Variants in CNGA1 observed in about 807,000 individuals in gnomAD.
CNGA1 encodes the protein cyclic nucleotide-gated channel alpha-1.
In CNGA1, 53 loss-of-function variants were observed where a neutral mutation model predicts 69.7. The ratio of observed to expected loss-of-function variants is 0.76; its 90% confidence interval spans 0.61 to 0.96. The LOEUF (loss-of-function observed/expected upper bound fraction) is 0.96. Ranked by LOEUF, CNGA1 falls within the 40% of genes least tolerant of loss-of-function variation. The probability of loss-of-function intolerance (pLI) is 0.00; values close to 1 mark genes in which losing one functional copy is unlikely to be tolerated. For synonymous variants in CNGA1, 249 were observed against 283.5 expected (o/e 0.88, Z 1.22); for missense variants, 739 against 811.2 (o/e 0.91, Z 1.08).
chr4:47,992,393 G>T (rs1742306417), intron 2 of CNGA1, among the ~76,000 whole-genome samples: 4 of 151,878 alleles, frequency 2.6e-5, no homozygotes, highest in South Asian at 4.2e-4. Context: ...CTTTGGTTAG[G>T]TATATTCCTA....
intron 3 of CNGA1, among the ~76,000 whole-genome samples, chr4:47,973,128 C>T (rs1741134387): frequency 7.2e-6 from 1 of 139,232 alleles, no homozygotes; most frequent in Admixed American, 8.1e-5. Flanking sequence ...AGTGCAGTAG[C>T]ACTATCTCAG....
chr4:47,953,665 A>T (rs979130870), intron 3 of CNGA1, among the ~76,000 whole-genome samples: 2 of 152,216 alleles, frequency 1.3e-5, no homozygotes, highest in Non-Finnish European at 2.9e-5. Context: ...TTCACTTTCC[A>T]GCTGCTCCCA....
intron 3 of CNGA1, among the ~76,000 whole-genome samples, chr4:47,980,619 C>T (rs1467336322): frequency 6.6e-6 from 1 of 151,644 alleles, no homozygotes; most frequent in Non-Finnish European, 1.5e-5. Flanking sequence ...GGACTACAAA[C>T]ACATGCCACC....
chr4:47,974,360 TA>T (rs1741233381), intron 3 of CNGA1, among the ~76,000 whole-genome samples: 1 of 147,888 alleles, frequency 6.8e-6, no homozygotes, highest in African/African-American at 2.5e-5. Flanking sequence ...AAAAAAGTCA[TA>T]TTTTTAAAAC....
intron 2 of CNGA1, among the ~76,000 whole-genome samples, chr4:47,990,092 T>C (rs1356046477): frequency 4.6e-5 from 7 of 152,106 alleles, no homozygotes; most frequent in East Asian, 1.9e-4. Context: ...TTGAACAATA[T>C]GAAACTGATT....
intron 1 of CNGA1, among the ~76,000 whole-genome samples, 178 bp downstream of exon 1, chr4:48,016,305 C>T (rs1715374091): frequency 6.6e-6 from 1 of 152,276 alleles, no homozygotes; most frequent in Admixed American, 6.5e-5. Flanking sequence ...CCAAAATAAA[C>T]TTGAGCCTGG....
chr4:47,982,945 C>T (rs929120817), intron 2 of CNGA1, among the ~76,000 whole-genome samples: 1 of 152,062 alleles, frequency 6.6e-6, no homozygotes, highest in African/African-American at 2.4e-5. Context: ...GCTGGGATTA[C>T]AGATGTGTGC....
chr4:47,964,892 C>T (rs1003083481), intron 3 of CNGA1, among the ~76,000 whole-genome samples: 4 of 152,050 alleles, frequency 2.6e-5, no homozygotes, highest in Admixed American at 2.6e-4. Flanking sequence ...TATATTAACT[C>T]TTTACTTTTG....
rs568654478 is a variant in CNGA1 at position 47,975,390 on chromosome 4, T to G, written c.-15+6003A>C. Among the ~76,000 whole-genome samples, 12 of 152,308 alleles carry G rather than the reference T, an allele frequency of 7.9e-5. No homozygotes were observed. The East Asian group carries it at 1.7e-3, about 22-fold the overall frequency. Reference sequence around the variant, plus strand: ...GAAACAATTTTACCAAAGAGATCATTGTTATCATAATCATTATCATCATCT... The same window carrying G: ...GAAACAATTTTACCAAAGAGATCATGGTTATCATAATCATTATCATCATCT... On this transcript the variant is annotated intron_variant, in intron 3 of 10. Coordinates refer to ENST00000514170, the MANE Select transcript of CNGA1 (RefSeq NM_001379270.1).
At chr4:47,937,965 T>C in intron 10 of CNGA1, 136 bp from the exon 11 acceptor site, 1 of 675,600 alleles carries the variant, frequency 1.5e-6, no homozygotes, top group Non-Finnish European at 2.6e-6. Flanking sequence ...AACAATGTAA[T>C]AAAATACAAA....
rs188861364 is a variant in CNGA1 at position 47,948,523 on chromosome 4, C to G, written c.287+1310G>C. Among the ~76,000 whole-genome samples, 6 of 152,180 alleles carry G rather than the reference C, an allele frequency of 3.9e-5. No individual in the cohort carries two copies. The East Asian group carries it at 9.6e-4, about 24-fold the overall frequency. On this transcript the variant is annotated intron_variant, in intron 6 of 10. Transcript: ENST00000514170. ...TCTATGGATCTAGAGGTCCTGGCTT[C>G]CAGAGGGGTGATGCATCTGCCAGGG...
chr4:47,983,320 G>A (rs1162365957), intron 2 of CNGA1, among the ~76,000 whole-genome samples: 1 of 152,038 alleles, frequency 6.6e-6, no homozygotes, highest in African/African-American at 2.4e-5. Flanking sequence ...GCGGGGCGTC[G>A]TGGCTCACGC....
At chr4:47,941,799 TAA>T (rs769159703) in intron 9 of CNGA1, among the ~76,000 whole-genome samples, 11 of 151,952 alleles carry the variant, frequency 7.2e-5, no homozygotes, top group Non-Finnish European at 1.2e-4. Context: ...AATTAAAAAA[TAA>T]AAGTCTTCCC....
At chr4:47,957,454 A>C (rs1740156585) in intron 3 of CNGA1, among the ~76,000 whole-genome samples, 1 of 152,026 alleles carries the variant, frequency 6.6e-6, no homozygotes, top group Non-Finnish European at 1.5e-5. Flanking sequence ...CTACAAAATA[A>C]AAATAAGAAT....
intron 2 of CNGA1, among the ~76,000 whole-genome samples, chr4:48,003,832 G>C (rs1714770536): frequency 6.6e-6 from 1 of 152,172 alleles, no homozygotes; most frequent in African/African-American, 2.4e-5. Flanking sequence ...GTGGACCGTG[G>C]TCTAGTGGTA....
At chr4:47,943,327 G>A (rs1739208986) in intron 7 of CNGA1, 39 bp from the exon 8 acceptor site, 1 of 1,467,458 alleles carries the variant, frequency 6.8e-7, no homozygotes, top group South Asian at 1.2e-5. Flanking sequence ...ATACAGAAAT[G>A]TTATGGGCAG....
chr4:47,977,181 C>T (rs1203569293), intron 3 of CNGA1, among the ~76,000 whole-genome samples: 1 of 152,070 alleles, frequency 6.6e-6, no homozygotes, highest in East Asian at 1.9e-4. Context: ...GGAGACAAGG[C>T]CTTTAAAGAG....
In CNGA1 at chr4:47,936,520, T is replaced by C; in HGVS notation, c.1962A>G (p.Arg654=). The change falls in exon 11 of 11, where the codon AGA becomes AGG. Residue 654 remains arginine (R), a synonymous_variant. Coordinates refer to ENST00000514170, the MANE Select transcript of CNGA1 (RefSeq NM_001379270.1). ...TCAGAAATTTCTCAACCTTGGTTAA[T>C]CTTTGTTTCAGTTTCTGCTGCATGG... The part of the protein sequence containing the change: ...YESMQQKLKQ[R]LTKVEKFLKP... The C allele has an allele frequency of 1.2e-6, 2 of 1,614,196 alleles. No homozygotes were observed. The highest frequency in any genetic ancestry group is 1.7e-6 in the Non-Finnish European group (2 of 1,180,030).
intron 2 of CNGA1, among the ~76,000 whole-genome samples, chr4:48,008,432 G>A (rs1446553624): frequency 6.6e-6 from 1 of 151,152 alleles, no homozygotes; most frequent in Non-Finnish European, 1.5e-5. Context: ...ACCTTGTTTT[G>A]TACACAACCT....
Sources: allele counts gnomAD v4.1 joint callset (sites outside exome capture counted in the v4.1 genomes callset), GRCh38; gene constraint gnomAD v4.1.1; transcripts MANE v1.5; gene names NCBI Gene and HGNC (gene_info 2026-07-23, HGNC 2026-07-21).